Variants in THSD7A observed in about 807,000 individuals in gnomAD.
The protein encoded by THSD7A is thrombospondin type-1 domain-containing protein 7A.
Under a neutral mutation model 231.3 loss-of-function variants are expected in THSD7A, and 96 were observed. The ratio of observed to expected loss-of-function variants is 0.41; its 90% CI spans 0.35 to 0.49. THSD7A has a LOEUF of 0.49. Among genes scored for constraint, THSD7A ranks in the 20% least tolerant of loss-of-function variants. THSD7A has a pLI of 0.05. For synonymous variants in THSD7A, 940 were observed against 743.3 expected (o/e 1.26, Z -4.30); for missense variants, 2,290 against 2,070.2 (o/e 1.11, Z -2.06).
Position 11,433,923 on chromosome 7 carries a change from A to G in THSD7A, c.3065-4798T>C, listed in dbSNP as rs113612506. Among the ~76,000 whole-genome samples the G allele has an allele frequency of 5.2e-3, 797 of 152,182 alleles. 5 individuals are homozygous for G. The highest frequency in any genetic ancestry group is 0.018 in the African/African-American group (753 of 41,576). ...ATAAAATGCAGCCTATTAAACTGTT[A>G]AAAGATAGATGCAAATTAGAAACTG... On this transcript the variant is annotated intron_variant, in intron 13 of 27. Transcript: ENST00000423059.
intron 4 of THSD7A, among the ~76,000 whole-genome samples, chr7:11,587,290 A>G (rs1229816906): frequency 6.6e-6 from 1 of 152,166 alleles, no homozygotes; most frequent in African/African-American, 2.4e-5. Flanking sequence ...GACATTCTTC[A>G]CATATCAGCT....
intron 6 of THSD7A, among the ~76,000 whole-genome samples, chr7:11,501,068 G>A (rs1787317325): frequency 6.6e-6 from 1 of 150,466 alleles, no homozygotes; most frequent in South Asian, 2.1e-4. Context: ...TCAATTCAAT[G>A]AGAAGACTTA....
intron 1 of THSD7A, among the ~76,000 whole-genome samples, chr7:11,796,977 C>A (rs116719909): frequency 0.033 from 4,935 of 151,790 alleles, 294 homozygotes; most frequent in African/African-American, 0.11. Context: ...AATTTTTTTT[C>A]ATTTCTGATT....
At chr7:11,788,047 G>C (rs968506676) in intron 1 of THSD7A, among the ~76,000 whole-genome samples, 2 of 151,952 alleles carry the variant, frequency 1.3e-5, no homozygotes, top group African/African-American at 4.8e-5. Context: ...TTGGCTACAA[G>C]GTTGGTCTTT....
Position 11,792,968 on chromosome 7 carries a change from A to T in THSD7A, c.190+38789T>A, listed in dbSNP as rs190939361. On this transcript the variant is annotated intron_variant, in intron 1 of 27. Transcript: ENST00000423059. ...TACAATTCTTGCAATATCCCATAGC[A>T]TTATGACTTCAAAGCATTATACCTG... Among the ~76,000 whole-genome samples the T allele has an allele frequency of 2.0e-5, 3 of 152,126 alleles. No individual in the cohort carries two copies. In the East Asian group the frequency reaches 5.8e-4, roughly 29 times the overall value.
intron 23 of THSD7A, among the ~76,000 whole-genome samples, chr7:11,396,382 G>C (rs755631475): frequency 6.6e-6 from 1 of 151,986 alleles, no homozygotes; most frequent in Non-Finnish European, 1.5e-5. Context: ...TAGATATATG[G>C]CTAGCCAGAC....
intron 9 of THSD7A, among the ~76,000 whole-genome samples, chr7:11,463,603 C>G (rs1466723918): frequency 6.6e-6 from 1 of 152,080 alleles, no homozygotes; most frequent in Admixed American, 6.6e-5. Flanking sequence ...GTCGTCTGTA[C>G]TATTAATGAT....
intron 2 of THSD7A, among the ~76,000 whole-genome samples, chr7:11,619,787 T>C (rs181806871): frequency 1.3e-5 from 2 of 152,170 alleles, no homozygotes; most frequent in Admixed American, 1.3e-4. Context: ...AAATATCAAG[T>C]ATTCCTGCTA....
intron 15 of THSD7A, 119 bp from the exon 16 acceptor site, chr7:11,424,948 G>C (rs1212946623): frequency 3.3e-6 from 4 of 1,216,798 alleles, no homozygotes; most frequent in Non-Finnish European, 4.6e-6. Flanking sequence ...CTCCTTTACT[G>C]CTTATTATTC....
intron 1 of THSD7A, among the ~76,000 whole-genome samples, chr7:11,774,662 G>A (rs1382459373): frequency 6.6e-6 from 1 of 152,136 alleles, no homozygotes; most frequent in Non-Finnish European, 1.5e-5. Flanking sequence ...GTTTTTGTAT[G>A]TCAATTATAA....
At chr7:11,544,518 G>C (rs1355091366) in intron 4 of THSD7A, among the ~76,000 whole-genome samples, 1 of 152,056 alleles carries the variant, frequency 6.6e-6, no homozygotes, top group Non-Finnish European at 1.5e-5. Flanking sequence ...AATTGCATAG[G>C]ATTGCATGCA....
chr7:11,669,396 A>T (rs1424889183), intron 1 of THSD7A, among the ~76,000 whole-genome samples: 1 of 151,998 alleles, frequency 6.6e-6, no homozygotes, highest in African/African-American at 2.4e-5. Context: ...AGAAACAAAG[A>T]ATAAGATGCT....
chr7:11,647,874 A>G (rs1283014583), intron 1 of THSD7A, among the ~76,000 whole-genome samples: 1 of 152,044 alleles, frequency 6.6e-6, no homozygotes, highest in Non-Finnish European at 1.5e-5. Flanking sequence ...CTGCGTCCAT[A>G]CATAGCACCC....
intron 1 of THSD7A, among the ~76,000 whole-genome samples, chr7:11,787,230 C>T (rs1187964393): frequency 6.6e-6 from 1 of 151,816 alleles, no homozygotes; most frequent in Admixed American, 6.6e-5. Flanking sequence ...ATAATCTAGA[C>T]ACAGATCTGA....
chr7:11,446,161 T>C lies in THSD7A; in HGVS notation c.2964A>G (p.Gln988=), dbSNP rs769476969. 2.5e-6 allele frequency: 4 copies of C among 1,613,418 alleles called. No individual in the cohort carries two copies. Among genetic ancestry groups the C allele is most frequent in the Middle Eastern group, 3.3e-4 (2 of 6,078 alleles). Residue 988 remains glutamine, a synonymous_variant, in exon 13 of 28, where the codon CAA becomes CAG. Transcript: ENST00000423059. The surrounding 1 kb of genome is among the most constrained non-coding windows in gnomAD (Gnocchi z 4.0). ...CTTGTCCGCATTCCTTGATGTCTCC[T>C]TGTACTTTCATTCCCAGCAACACTT... is the stretch of plus-strand genomic sequence containing the variant. ...KVEVLLGMKV[Q]GDIKECGQGY...
chr7:11,593,572 G>C lies in THSD7A; in HGVS notation c.1023-70C>G, dbSNP rs112350462. On this transcript the variant is annotated intron_variant, in intron 2 of 27. Transcript: ENST00000423059. Reference sequence around the variant, plus strand: ...TATGAACTTTGTCTTCTACGCTCAAGAGTGAATCAGCTTGGGCATTTTTAT... The same window carrying C: ...TATGAACTTTGTCTTCTACGCTCAACAGTGAATCAGCTTGGGCATTTTTAT... The C allele has an allele frequency of 1.9e-4, 293 of 1,539,638 alleles. 1 individual carries two copies. In the African/African-American group the frequency reaches 3.8e-3, roughly 20 times the overall value.
At chr7:11,578,613 TCAAATGG>T (rs1791022295) in intron 4 of THSD7A, among the ~76,000 whole-genome samples, 1 of 152,082 alleles carries the variant, frequency 6.6e-6, no homozygotes, top group Non-Finnish European at 1.5e-5. Flanking sequence ...TCATATGAAA[TCAAATGG>T]CAAATCAAGA....
At chr7:11,391,956 T>C (rs1052424344) in intron 23 of THSD7A, among the ~76,000 whole-genome samples, 5 of 151,910 alleles carry the variant, frequency 3.3e-5, no homozygotes, top group African/African-American at 4.8e-5. Context: ...ATGAAATGAA[T>C]TGGGTACCTC....
chr7:11,745,650 G>A (rs941067536), intron 1 of THSD7A, among the ~76,000 whole-genome samples: 3 of 152,034 alleles, frequency 2.0e-5, no homozygotes, highest in Admixed American at 2.0e-4. Flanking sequence ...TCCAGTTTCA[G>A]CTTTCTACAT....
Sources: gnomAD v4.1 joint callset for allele counts (sites outside exome capture counted in the v4.1 genomes callset) on GRCh38, gnomAD v4.1.1 for gene constraint, Gnocchi (gnomAD v3.1) non-coding constraint, MANE v1.5 for transcripts, NCBI Gene and HGNC (gene_info 2026-07-23, HGNC 2026-07-21) for gene names.